RBFOX3: variants seen among roughly 807,000 people sequenced by gnomAD.
RBFOX3 encodes RNA binding fox-1 homolog 3, also known as RNA binding protein fox-1 homolog 3.
In RBFOX3, 17 loss-of-function variants were observed where a neutral mutation model predicts 48.7. The observed-to-expected ratio is 0.35, with a 90% CI of 0.24 to 0.52. RBFOX3 has a LOEUF of 0.52. RBFOX3 is among the 20% of genes least tolerant of loss of function. RBFOX3 has a pLI of 0.94. For synonymous variants in RBFOX3, 212 were observed against 209.5 expected, an observed-to-expected ratio of 1.01 and a Z score of -0.10; for missense variants, 382 against 497.5, an observed-to-expected ratio of 0.77 and a Z score of 2.21.
At chr17:79,438,056 G>T (rs547184453) in intron 2 of RBFOX3, among the ~76,000 whole-genome samples, 1 of 151,624 alleles carries the variant, frequency 6.6e-6, no homozygotes, top group Admixed American at 6.6e-5. Flanking sequence ...GCACACACAG[G>T]TATACACAAG....
At chr17:79,516,383 C>G (rs2085254301) in intron 1 of RBFOX3, among the ~76,000 whole-genome samples, 1 of 152,236 alleles carries the variant, frequency 6.6e-6, no homozygotes, top group Non-Finnish European at 1.5e-5. Context: ...GGCCTGCCCC[C>G]TGCCCTGGAG....
At chr17:79,450,881 A>G (rs1479415888) in intron 2 of RBFOX3, among the ~76,000 whole-genome samples, 6 of 152,234 alleles carry the variant, frequency 3.9e-5, no homozygotes, top group African/African-American at 1.4e-4. Flanking sequence ...GGAGAGAAAA[A>G]GTAAAACTCT....
At chr17:79,272,169 T>C (rs1362525524) in intron 3 of RBFOX3, among the ~76,000 whole-genome samples, 2 of 152,152 alleles carry the variant, frequency 1.3e-5, no homozygotes, top group African/African-American at 4.8e-5. Flanking sequence ...CAGTCCAGGC[T>C]TAGAGACCAG....
At chr17:79,500,851 A>C (rs2082291486) in intron 1 of RBFOX3, among the ~76,000 whole-genome samples, 1 of 152,200 alleles carries the variant, frequency 6.6e-6, no homozygotes, top group East Asian at 1.9e-4. Flanking sequence ...CCAGGCTTGG[A>C]GATGCAGACA....
chr17:79,249,512 GCCAACCAGATC>G lies in RBFOX3; in HGVS notation c.-73-13718_-73-13708del, dbSNP rs1394380094. Among the ~76,000 whole-genome samples the G allele has an allele frequency of 6.6e-6, 1 of 151,808 alleles. No homozygotes were observed. Among genetic ancestry groups the G allele is most frequent in the Non-Finnish European group, 1.5e-5 (1 of 67,976 alleles). ...GGTGTGCTTTTTCACCTGCAAACCGGCCAACCAGATCCCACACCCCAAGCCCCTGCCTCTAT... is the reference window on the plus strand; with the variant it reads ...GGTGTGCTTTTTCACCTGCAAACCGGCCACACCCCAAGCCCCTGCCTCTAT... On this transcript the variant is annotated intron_variant, in intron 3 of 14. Transcript: ENST00000693108. The surrounding 1 kb of genome is among the most constrained non-coding windows in gnomAD (Gnocchi z 4.1).
At chr17:79,275,196 TCCCCTGGCCTCATGTTC>T in intron 3 of RBFOX3, among the ~76,000 whole-genome samples, 1 of 82,746 alleles carries the variant, frequency 1.2e-5, no homozygotes, top group Non-Finnish European at 2.6e-5. Context: ...CTCATGCTCC[TCCCCTGGCCTCATGTTC>T]CTCCCCTTCT....
chr17:79,586,554 T>G (rs2144958673), intron 1 of RBFOX3, among the ~76,000 whole-genome samples: 1 of 152,376 alleles, frequency 6.6e-6, no homozygotes, highest in South Asian at 2.1e-4. Context: ...AGGACGTTCC[T>G]CAACTTCATC....
intron 1 of RBFOX3, among the ~76,000 whole-genome samples, chr17:79,489,788 C>T (rs1320165827): frequency 6.6e-6 from 1 of 152,240 alleles, no homozygotes; most frequent in East Asian, 1.9e-4. Flanking sequence ...CTACTTCTGC[C>T]ATCTTTTCTG....
intron 1 of RBFOX3, among the ~76,000 whole-genome samples, chr17:79,526,137 C>T (rs1408092998): frequency 6.6e-6 from 1 of 152,230 alleles, no homozygotes; most frequent in Non-Finnish European, 1.5e-5. Flanking sequence ...GACGCCAACA[C>T]TGCCAGTCAC....
intron 1 of RBFOX3, among the ~76,000 whole-genome samples, chr17:79,539,691 C>T (rs546088994): frequency 2.6e-4 from 40 of 152,334 alleles, no homozygotes; most frequent in African/African-American, 9.6e-4. Flanking sequence ...ATTCATTTCA[C>T]TTTATACACT....
chr17:79,431,168 G>A (rs950236520), intron 2 of RBFOX3, among the ~76,000 whole-genome samples: 3 of 152,170 alleles, frequency 2.0e-5, no homozygotes, highest in African/African-American at 7.2e-5. Context: ...TGAGGAACAC[G>A]AAGGTGTGAA....
chr17:79,320,489 G>A (rs2078348089), intron 2 of RBFOX3, among the ~76,000 whole-genome samples: 1 of 152,232 alleles, frequency 6.6e-6, no homozygotes, highest in African/African-American at 2.4e-5. Flanking sequence ...TTGGTTCTGT[G>A]AGGATCAGTG....
chr17:79,140,231 C>T (rs997923340), intron 4 of RBFOX3, among the ~76,000 whole-genome samples: 5 of 152,230 alleles, frequency 3.3e-5, no homozygotes, highest in South Asian at 4.1e-4. Flanking sequence ...ACTGAGGCTG[C>T]GAGAGCTTAG....
chr17:79,507,166 G>A (rs1246542132), intron 1 of RBFOX3, among the ~76,000 whole-genome samples: 2 of 152,156 alleles, frequency 1.3e-5, no homozygotes, highest in Non-Finnish European at 2.9e-5. Context: ...CCCTGCAGCA[G>A]ACCAAGCGGT....
chr17:79,510,580 G>A (rs963871328), intron 1 of RBFOX3, among the ~76,000 whole-genome samples: 1 of 152,190 alleles, frequency 6.6e-6, no homozygotes, highest in Non-Finnish European at 1.5e-5. Flanking sequence ...TGTAATTACA[G>A]CAAGTGATTA....
upstream of RBFOX3, among the ~76,000 whole-genome samples, chr17:79,611,130 T>TTCTCTCTC (rs1173570495): frequency 3.7e-3 from 141 of 37,796 alleles, 28 homozygotes; most frequent in African/African-American, 0.01. Flanking sequence ...TCCGCCCTCC[T>TTCTCTCTC]TCTCTCTCTC....
chr17:79,595,303 C>T (rs1466374775), intron 1 of RBFOX3, among the ~76,000 whole-genome samples: 11 of 152,184 alleles, frequency 7.2e-5, no homozygotes, highest in Non-Finnish European at 1.6e-4. Flanking sequence ...ACTCGATCCT[C>T]CCACTGAGGC....
At chr17:79,572,068 T>C (rs1333790641) in intron 1 of RBFOX3, among the ~76,000 whole-genome samples, 1 of 152,164 alleles carries the variant, frequency 6.6e-6, no homozygotes, top group Non-Finnish European at 1.5e-5. Context: ...CGGGTGTTAT[T>C]ATCACTCCTC....
chr17:79,571,671 A>C (rs1023270177), intron 1 of RBFOX3, among the ~76,000 whole-genome samples: 9 of 152,228 alleles, frequency 5.9e-5, no homozygotes, highest in Admixed American at 3.3e-4. Flanking sequence ...GCAGGATCTC[A>C]CGTTATCTTG....
Sources: gnomAD v4.1 joint callset for allele counts (sites outside exome capture counted in the v4.1 genomes callset) on GRCh38, gnomAD v4.1.1 for gene constraint, Gnocchi (gnomAD v3.1) non-coding constraint, MANE v1.5 for transcripts, NCBI Gene and HGNC (gene_info 2026-07-23, HGNC 2026-07-21) for gene names.